The following CALM3 variants were observed in gnomAD, a reference collection of about 807,000 sequenced individuals.
The protein encoded by CALM3 is calmodulin 3.
A neutral mutation model predicts 20.1 loss-of-function variants in CALM3; 5 were observed. That is an observed-to-expected ratio of 0.25 (90% CI 0.13 to 0.52). CALM3 has a LOEUF of 0.52. Among genes scored for constraint, CALM3 ranks in the 20% least tolerant of loss-of-function variants. The pLI is 0.96. For missense variants in CALM3, 57 were observed against 192.8 expected, an observed-to-expected ratio of 0.30 and a Z score of 4.17; for synonymous variants, 69 against 68.1, an observed-to-expected ratio of 1.01 and a Z score of -0.06.
rs772361208 is a variant in CALM3 at position 46,605,777 on chromosome 19, G to A, written c.4-50G>A. ...GGTCTGGGCTGAGTGAGGAAGATGC[G>A]TCCGTGCTGTCCGGCCTGGTGACTG... is the stretch of plus-strand genomic sequence containing the variant. On this transcript the variant is annotated intron_variant, in intron 1 of 5. Transcript: ENST00000291295. The surrounding 1 kb of genome is among the most constrained non-coding windows in gnomAD (Gnocchi z 4.1). The A allele has an allele frequency of 3.7e-5, 59 of 1,603,204 alleles. No individual in the cohort carries two copies. Among genetic ancestry groups the A allele is most frequent in the Non-Finnish European group, 4.7e-5 (55 of 1,170,448 alleles).
chr19:46,605,725 C>T lies in CALM3; in HGVS notation c.4-102C>T, dbSNP rs1310258214. 33 of 1,137,290 alleles carry T rather than the reference C, an allele frequency of 2.9e-5. No homozygotes were observed. The highest frequency in any genetic ancestry group is 3.8e-5 in the South Asian group (3 of 79,622). The allele number at this position is 1,137,290 out of a possible 1,614,324, so 70.4% of individuals were successfully genotyped here. A position where few individuals can be genotyped will look rare whatever the true frequency, so the allele number is the denominator to read the frequency against. ...CCTCCCTGGCCCGGCGGGAATGGCACGTGGAGCTGGCCTCACTGGGGCCGA... is the reference window on the plus strand; with the variant it reads ...CCTCCCTGGCCCGGCGGGAATGGCATGTGGAGCTGGCCTCACTGGGGCCGA... On this transcript the variant is annotated intron_variant, in intron 1 of 5. Transcript: ENST00000291295. This position sits in a 1 kb window ranked among gnomAD's most constrained non-coding sequence, Gnocchi z 4.1.
In CALM3 at chr19:46,610,269, T is replaced by G. The variant is rs557741221; in HGVS notation, c.*1116T>G. 3.9e-5 allele frequency: 6 copies of G among 152,918 alleles called. No homozygotes were observed. Among genetic ancestry groups the G allele is most frequent in the Admixed American group, 3.3e-4 (5 of 15,294 alleles). 9.5% of individuals were successfully genotyped at this position (152,918 alleles called of 1,614,324 possible). ...CTTCTCCGTGGTGACTTGGCGCCGC[T>G]TCCTCACATCTGTGCTCCGTGCCCT... On this transcript the variant is annotated 3_prime_UTR_variant, in exon 6 of 6. Transcript: ENST00000291295.
chr19:46,605,804 CT>C lies in CALM3; in HGVS notation c.4-20del. ...CCGTGCTGTCCGGCCTGGTGACTGA[CT>C]TTCCCCTTCATGCTTTTACAGGCTG... On this transcript the variant is annotated intron_variant, in intron 1 of 5. Transcript: ENST00000291295. This position sits in a 1 kb window ranked among gnomAD's most constrained non-coding sequence, Gnocchi z 4.1. 6.2e-7 allele frequency: 1 copy of C among 1,613,914 alleles called. No individual in the cohort carries two copies. The highest frequency in any genetic ancestry group is 8.5e-7 in the Non-Finnish European group (1 of 1,179,796).
At position 46,605,961 on chromosome 19, in the gene CALM3, C is replaced by G; in HGVS notation, c.34+104C>G. On this transcript the variant is annotated intron_variant, in intron 2 of 5. Transcript: ENST00000291295. This position sits in a 1 kb window ranked among gnomAD's most constrained non-coding sequence, Gnocchi z 4.1. Reference sequence around the variant, plus strand: ...ATCTGATGGGTGAACCTGTGTATCCCTTGTGTCACCTAACACTATGCCTTG... The same window carrying G: ...ATCTGATGGGTGAACCTGTGTATCCGTTGTGTCACCTAACACTATGCCTTG... The G allele has an allele frequency of 1.0e-6, 1 of 976,160 alleles. No homozygotes were observed. The highest frequency in any genetic ancestry group is 1.8e-5 in the Admixed American group (1 of 57,084). 60.5% of individuals were successfully genotyped at this position (976,160 alleles called of 1,614,324 possible). A position where few individuals can be genotyped will look rare whatever the true frequency, so the allele number is the denominator to read the frequency against.
rs1462569635 is a variant in CALM3, at chr19:46,608,611, G to A, written c.285+23G>A. ...AAGGTAAGCAGCCCTCTCCAGGGGCGGCTCTGAGACTGACGCCAGCCTTCA... is the reference window on the plus strand; with the variant it reads ...AAGGTAAGCAGCCCTCTCCAGGGGCAGCTCTGAGACTGACGCCAGCCTTCA... On this transcript the variant is annotated intron_variant, in intron 4 of 5. Coordinates refer to ENST00000291295, the MANE Select transcript of CALM3 (RefSeq NM_005184.4). The surrounding 1 kb of genome is among the most constrained non-coding windows in gnomAD (Gnocchi z 5.5). 7.6e-6 allele frequency: 12 copies of A among 1,569,008 alleles called. No homozygotes were observed. Among genetic ancestry groups the A allele is most frequent in the Non-Finnish European group, 9.7e-6 (11 of 1,139,390 alleles).
intron 1 of CALM3, chr19:46,602,453 A>G: frequency 7.6e-6 from 1 of 131,060 alleles, no homozygotes. Flanking sequence ...AATGAATGGC[A>G]GTCAGGGGGG....
At position 46,609,766 on chromosome 19, in the gene CALM3, C is replaced by T. The variant is rs113733185; in HGVS notation, c.*613C>T. ...GGAGGGGGTCGAGGGGGCCAACTCA[C>T]AGAAGGGGACTGACAGTGGGCAACA... On this transcript the variant is annotated 3_prime_UTR_variant, in exon 6 of 6. Coordinates refer to ENST00000291295, the MANE Select transcript of CALM3 (RefSeq NM_005184.4). The T allele has an allele frequency of 4.3e-3, 666 of 153,690 alleles. 3 individuals carry two copies. The highest frequency in any genetic ancestry group is 0.015 in the African/African-American group (625 of 41,548). 9.5% of individuals were successfully genotyped at this position (153,690 alleles called of 1,614,324 possible). A position where few individuals can be genotyped will look rare whatever the true frequency, so the allele number is the denominator to read the frequency against.
At chr19:46,606,771 A>G (rs916767600) in intron 2 of CALM3, among the ~76,000 whole-genome samples, 1 of 152,048 alleles carries the variant, frequency 6.6e-6, no homozygotes, top group African/African-American at 2.4e-5. Flanking sequence ...GTGCCTGCCT[A>G]CCCGCCCATA....
rs1367034954 is a variant in CALM3, at chr19:46,608,997, G to C, written c.421+16G>C. The C allele has an allele frequency of 1.9e-6, 3 of 1,604,234 alleles. No homozygotes were observed. The highest frequency in any genetic ancestry group is 2.2e-5 in the East Asian group (1 of 44,716). On this transcript the variant is annotated intron_variant, in intron 5 of 5. Transcript: ENST00000291295. The surrounding 1 kb of genome is among the most constrained non-coding windows in gnomAD (Gnocchi z 5.5). ...AATTATGAAGGTGAGTCAAGGCCAG[G>C]CTTGATCTCTGGAACAAGAAGAGAA... is the stretch of plus-strand genomic sequence containing the variant.
upstream of CALM3, chr19:46,601,295 G>GGGAGGC (rs1448654613): frequency 1.7e-5 from 12 of 708,434 alleles, no homozygotes; most frequent in Non-Finnish European, 2.1e-5. The surrounding 1 kb of genome is among the most constrained non-coding windows in gnomAD (Gnocchi z 4.2). Flanking sequence ...CCGTTGGGGC[G>GGGAGGC]GGAGGCGGCG....
chr19:46,608,056 C>T lies in CALM3; in HGVS notation c.35-141C>T, dbSNP rs897759595. ...AGCACTGAGGAGAGAGAGCTGGTTGCGTGGGACTTGAAGTCTGTCTCAGTT... is the reference window on the plus strand; with the variant it reads ...AGCACTGAGGAGAGAGAGCTGGTTGTGTGGGACTTGAAGTCTGTCTCAGTT... On this transcript the variant is annotated intron_variant, in intron 2 of 5. Coordinates refer to ENST00000291295, the MANE Select transcript of CALM3 (RefSeq NM_005184.4). The surrounding 1 kb of genome is among the most constrained non-coding windows in gnomAD (Gnocchi z 5.5). 5.5e-5 allele frequency: 40 copies of T among 731,738 alleles called. No individual in the cohort carries two copies. Among genetic ancestry groups the T allele is most frequent in the South Asian group, 7.0e-5 (4 of 57,230 alleles). 45.3% of individuals were successfully genotyped at this position (731,738 alleles called of 1,614,324 possible).
At position 46,601,623 on chromosome 19, in the gene CALM3, G is replaced by A. The variant is rs1568661615; in HGVS notation, c.3+186G>A. ...GAGCGGGACGTCTGGATCACCAGAGGTTTCCAGAAGCGACTTTAGCACCAA... is the reference window on the plus strand; with the variant it reads ...GAGCGGGACGTCTGGATCACCAGAGATTTCCAGAAGCGACTTTAGCACCAA... On this transcript the variant is annotated intron_variant, in intron 1 of 5. Transcript: ENST00000291295. This position sits in a 1 kb window ranked among gnomAD's most constrained non-coding sequence, Gnocchi z 4.2. Among the ~76,000 whole-genome samples, 1 of 152,228 alleles carries A rather than the reference G, an allele frequency of 6.6e-6. No individual in the cohort carries two copies. Among genetic ancestry groups the A allele is most frequent in the African/African-American group, 2.4e-5 (1 of 41,468 alleles).
In CALM3 at chr19:46,610,039, C is replaced by G. The variant is rs1971843501; in HGVS notation, c.*886C>G. 1.3e-5 allele frequency: 2 copies of G among 152,164 alleles called. No homozygotes were observed. Among genetic ancestry groups the G allele is most frequent in the Non-Finnish European group, 2.9e-5 (2 of 67,942 alleles). The allele number at this position is 152,164 out of a possible 1,614,324, so 9.4% of individuals were successfully genotyped here. The stretch of plus-strand genomic sequence containing the variant: ...GGTCGCTTTGTAATGTGCTGGTTCT[C>G]TTTTTTTTTCTTTCCCCTCTATGGC... On this transcript the variant is annotated 3_prime_UTR_variant, in exon 6 of 6. Coordinates refer to ENST00000291295, the MANE Select transcript of CALM3 (RefSeq NM_005184.4).
Position 46,608,183 on chromosome 19 carries a change from C to A in CALM3, c.35-14C>A, listed in dbSNP as rs370430097. 2.5e-6 allele frequency: 4 copies of A among 1,611,868 alleles called. No homozygotes were observed. The highest frequency in any genetic ancestry group is 3.4e-6 in the Non-Finnish European group (4 of 1,178,984). Reference sequence around the variant, plus strand: ...GACCTTGTGACCTCTGACTCCTCCCCCTTCTTCCCCCAGAGTTCAAGGAGG... The same window carrying A: ...GACCTTGTGACCTCTGACTCCTCCCACTTCTTCCCCCAGAGTTCAAGGAGG... On this transcript the variant is annotated splice_polypyrimidine_tract_variant and intron_variant, in intron 2 of 5. Coordinates refer to ENST00000291295, the MANE Select transcript of CALM3 (RefSeq NM_005184.4). The surrounding 1 kb of genome is among the most constrained non-coding windows in gnomAD (Gnocchi z 5.5).
In CALM3 at chr19:46,601,798, C is replaced by T. The variant is rs956768393; in HGVS notation, c.3+361C>T. The stretch of plus-strand genomic sequence containing the variant: ...GGTTTCAGGATGGAGGTGTTTGGAC[C>T]CCAGGGGACGAAATAAGAAAGATGG... On this transcript the variant is annotated intron_variant, in intron 1 of 5. Coordinates refer to ENST00000291295, the MANE Select transcript of CALM3 (RefSeq NM_005184.4). The surrounding 1 kb of genome is among the most constrained non-coding windows in gnomAD (Gnocchi z 4.2). 6.6e-6 allele frequency among the ~76,000 whole-genome samples: 1 copy of T among 152,038 alleles called. No homozygotes were observed. The highest frequency in any genetic ancestry group is 2.4e-5 in the African/African-American group (1 of 41,380).
At chr19:46,606,927 G>A (rs550166554) in intron 2 of CALM3, among the ~76,000 whole-genome samples, 6 of 152,250 alleles carry the variant, frequency 3.9e-5, no homozygotes, top group African/African-American at 9.6e-5. Context: ...AGGTTCAACC[G>A]GCTGTGTAAC....
intron 1 of CALM3, among the ~76,000 whole-genome samples, chr19:46,602,790 T>C (rs1435984665): frequency 6.6e-6 from 1 of 152,146 alleles, no homozygotes; most frequent in Admixed American, 6.5e-5. Context: ...GAGCACTGCC[T>C]TTTCCCAGCA....
At position 46,609,056 on chromosome 19, in the gene CALM3, T is replaced by C. The variant is rs1384556178; in HGVS notation, c.422-69T>C. The C allele has an allele frequency of 4.3e-6, 7 of 1,612,948 alleles. No homozygotes were observed. The East Asian group carries it at 1.1e-4, about 26-fold the overall frequency. On this transcript the variant is annotated intron_variant, in intron 5 of 5. Transcript: ENST00000291295. Reference sequence around the variant, plus strand: ...TCAGGAACAAGCCCCCAGATCCCTCTTGTTGGGGAGGGCCGCTCGCCACTT... The same window carrying C: ...TCAGGAACAAGCCCCCAGATCCCTCCTGTTGGGGAGGGCCGCTCGCCACTT...
Position 46,601,555 on chromosome 19 carries a change from C to G in CALM3, c.3+118C>G. On this transcript the variant is annotated intron_variant, in intron 1 of 5. Transcript: ENST00000291295. The surrounding 1 kb of genome is among the most constrained non-coding windows in gnomAD (Gnocchi z 4.2). Reference sequence around the variant, plus strand: ...GGGCGTCCGGGCCCGGCGAGAGCCTCGGGACCCTTTTCTACCCGCGTTGTC... The same window carrying G: ...GGGCGTCCGGGCCCGGCGAGAGCCTGGGGACCCTTTTCTACCCGCGTTGTC... 9.9e-7 allele frequency: 1 copy of G among 1,012,612 alleles called. No homozygotes were observed. Among genetic ancestry groups the G allele is most frequent in the South Asian group, 2.4e-5 (1 of 42,354 alleles). The allele number at this position is 1,012,612 out of a possible 1,614,324, so 62.7% of individuals were successfully genotyped here. A position where few individuals can be genotyped will look rare whatever the true frequency, so the allele number is the denominator to read the frequency against.
Sources: allele counts gnomAD v4.1 joint callset (sites outside exome capture counted in the v4.1 genomes callset), GRCh38; gene constraint gnomAD v4.1.1; non-coding constraint Gnocchi (gnomAD v3.1); transcripts MANE v1.5; gene names NCBI Gene and HGNC (gene_info 2026-07-23, HGNC 2026-07-21).